Variants in FHIT observed in about 807,000 individuals in gnomAD.
FHIT encodes the protein bis(5'-adenosyl)-triphosphatase.
Under a neutral mutation model 17.9 loss-of-function variants are expected in FHIT, and 19 were observed. The ratio of observed to expected loss-of-function variants is 1.06; its 90% CI spans 0.74 to 1.56. The LOEUF is 1.56. Among genes scored for constraint, FHIT ranks in the 40% most tolerant of loss-of-function variants. The pLI is 0.00. For synonymous variants in FHIT, 81 were observed against 69.7 expected, an observed-to-expected ratio of 1.16 and a Z score of -0.81; for missense variants, 248 against 189.2, an observed-to-expected ratio of 1.31 and a Z score of -1.82.
At chr3:60,291,561 T>G (rs1481709028) in intron 5 of FHIT, among the ~76,000 whole-genome samples, 8 of 152,180 alleles carry the variant, frequency 5.3e-5, no homozygotes, top group African/African-American at 1.9e-4. Flanking sequence ...GCTTCCAGCT[T>G]GCTTATTTAT....
intron 4 of FHIT, among the ~76,000 whole-genome samples, chr3:60,783,004 A>T (rs1553726030): frequency 6.6e-6 from 1 of 152,074 alleles, no homozygotes; most frequent in Non-Finnish European, 1.5e-5. Context: ...TGTTGTTTTG[A>T]CAAGGTCTCC....
At chr3:60,550,211 G>A (rs1357554677) in intron 4 of FHIT, among the ~76,000 whole-genome samples, 1 of 152,070 alleles carries the variant, frequency 6.6e-6, no homozygotes, top group East Asian at 1.9e-4. Context: ...TGATGACTTG[G>A]AAAACAAGGC....
intron 4 of FHIT, among the ~76,000 whole-genome samples, chr3:60,564,000 T>C (rs1199990703): frequency 1.3e-5 from 2 of 152,168 alleles, no homozygotes; most frequent in Admixed American, 6.6e-5. Flanking sequence ...AGGACTGTCC[T>C]AGCTAGAGAG....
rs1559779636 is a variant in FHIT at position 60,860,579 on chromosome 3, CATAT to C, written c.-110-38572_-110-38569del. 7.9e-5 allele frequency among the ~76,000 whole-genome samples: 5 copies of C among 63,550 alleles called. 1 individual carries two copies. Among genetic ancestry groups the C allele is most frequent in the African/African-American group, 2.5e-4 (4 of 16,016 alleles). The allele number at this position is 63,550 out of a possible 152,430, so 41.7% of individuals were successfully genotyped here. A position where few individuals can be genotyped will look rare whatever the true frequency, so the allele number is the denominator to read the frequency against. ...TATCATATATCAGGTATATATGATACATATGTATCATATATCAGGTATATATGAT... is the reference window on the plus strand; with the variant it reads ...TATCATATATCAGGTATATATGATACGTATCATATATCAGGTATATATGAT... On this transcript the variant is annotated intron_variant, in intron 3 of 9. Coordinates refer to ENST00000492590, the MANE Select transcript of FHIT (RefSeq NM_002012.4).
At chr3:61,212,613 C>A (rs575823153) in intron 1 of FHIT, among the ~76,000 whole-genome samples, 5 of 152,290 alleles carry the variant, frequency 3.3e-5, no homozygotes, top group Admixed American at 1.3e-4. Context: ...CCCAATCTAG[C>A]AAGGCAGGCC....
intron 3 of FHIT, among the ~76,000 whole-genome samples, chr3:60,890,372 C>T (rs1553760405): frequency 6.6e-6 from 1 of 152,156 alleles, no homozygotes; most frequent in Non-Finnish European, 1.5e-5. Flanking sequence ...AAGCTGAATG[C>T]AGCCTAGTGA....
intron 2 of FHIT, among the ~76,000 whole-genome samples, chr3:61,184,277 T>A (rs2038435821): frequency 6.6e-6 from 1 of 152,054 alleles, no homozygotes; most frequent in Non-Finnish European, 1.5e-5. Flanking sequence ...ACACAGACAG[T>A]GCCTCTGGTG....
chr3:60,195,883 T>C (rs1160281484), intron 5 of FHIT, among the ~76,000 whole-genome samples: 1 of 24,704 alleles, frequency 4.0e-5, no homozygotes, highest in African/African-American at 1.6e-4. Flanking sequence ...GAAGGGAGGG[T>C]GGGAGGGGCG....
chr3:60,799,864 C>T (rs1553731729), intron 4 of FHIT, among the ~76,000 whole-genome samples: 2 of 152,136 alleles, frequency 1.3e-5, no homozygotes, highest in Non-Finnish European at 2.9e-5. Flanking sequence ...TGTATATTTC[C>T]TATTCTGTAA....
intron 5 of FHIT, among the ~76,000 whole-genome samples, chr3:60,288,639 C>G (rs1391897715): frequency 6.7e-6 from 1 of 150,076 alleles, no homozygotes; most frequent in Non-Finnish European, 1.5e-5. Context: ...GCACACATGC[C>G]TGGGTCCATT....
At chr3:60,446,325 T>C (rs1347631206) in intron 5 of FHIT, among the ~76,000 whole-genome samples, 1 of 152,182 alleles carries the variant, frequency 6.6e-6, no homozygotes, top group Non-Finnish European at 1.5e-5. Flanking sequence ...AGACTCTGCA[T>C]GATGGTATCT....
chr3:61,207,126 G>C (rs891931353), intron 1 of FHIT, among the ~76,000 whole-genome samples: 12 of 152,140 alleles, frequency 7.9e-5, no homozygotes, highest in Non-Finnish European at 1.5e-4. Context: ...TACGTTAATT[G>C]ATTTGCATAT....
intron 5 of FHIT, among the ~76,000 whole-genome samples, chr3:60,093,848 C>T (rs1279185151): frequency 6.6e-6 from 1 of 152,150 alleles, no homozygotes; most frequent in Non-Finnish European, 1.5e-5. Context: ...AAACAAGGTC[C>T]CTGGTGTCCT....
chr3:59,782,806 T>TA (rs1702655060), intron 8 of FHIT, among the ~76,000 whole-genome samples: 1 of 151,480 alleles, frequency 6.6e-6, no homozygotes, highest in African/African-American at 2.4e-5. Flanking sequence ...TTTCTGGCAT[T>TA]TTTTTTTCCC....
intron 5 of FHIT, among the ~76,000 whole-genome samples, chr3:60,285,500 G>A (rs183117702): frequency 6.6e-6 from 1 of 152,126 alleles, no homozygotes; most frequent in African/African-American, 2.4e-5. Flanking sequence ...GCCTGTGATG[G>A]ATTTTTCACT....
At chr3:60,325,105 A>G (rs896253885) in intron 5 of FHIT, among the ~76,000 whole-genome samples, 2 of 88,352 alleles carry the variant, frequency 2.3e-5, no homozygotes, top group Non-Finnish European at 4.7e-5. Flanking sequence ...AGAGTGAAAG[A>G]GAAAACAATT....
At chr3:60,783,682 TA>T (rs66476945) in intron 4 of FHIT, among the ~76,000 whole-genome samples, 1 of 151,806 alleles carries the variant, frequency 6.6e-6, no homozygotes, top group Non-Finnish European at 1.5e-5. Context: ...TTCATCTGTG[TA>T]AAAAGGGGGA....
intron 3 of FHIT, among the ~76,000 whole-genome samples, chr3:60,938,315 G>A (rs1553773635): frequency 6.6e-6 from 1 of 152,154 alleles, no homozygotes; most frequent in Non-Finnish European, 1.5e-5. Flanking sequence ...TTTCTCCCCA[G>A]AAGCCCAGCT....
chr3:60,986,623 C>T (rs181091104), intron 3 of FHIT, among the ~76,000 whole-genome samples: 6 of 152,202 alleles, frequency 3.9e-5, no homozygotes, highest in African/African-American at 7.2e-5. Context: ...CATTTTGATG[C>T]CCCCCAGTTA....
Sources: gnomAD v4.1 joint callset for allele counts (sites outside exome capture counted in the v4.1 genomes callset) on GRCh38, gnomAD v4.1.1 for gene constraint, MANE v1.5 for transcripts, NCBI Gene and HGNC (gene_info 2026-07-23, HGNC 2026-07-21) for gene names.